The following ZNF311 variants were observed in gnomAD, a reference collection of about 807,000 sequenced individuals.
ZNF311 encodes zinc finger protein 311, also known as zinc finger protein zfp31.
In ZNF311, 14 loss-of-function variants were observed where a neutral mutation model predicts 22.7. The ratio of observed to expected loss-of-function variants is 0.62; its 90% CI spans 0.41 to 0.96. The LOEUF (loss-of-function observed/expected upper bound fraction) is 0.96, where lower values mean the gene tolerates loss of function less well. Ranked by LOEUF, ZNF311 falls within the 40% of genes least tolerant of loss-of-function variation. The pLI is 0.00. For missense variants in ZNF311, 731 were observed against 799.0 expected, an observed-to-expected ratio of 0.91 and a Z score of 1.03; for synonymous variants, 250 against 275.3, an observed-to-expected ratio of 0.91 and a Z score of 0.91.
At chr6:28,997,432 T>A (rs553482879) in intron 6 of ZNF311, among the ~76,000 whole-genome samples, 3 of 152,128 alleles carry the variant, frequency 2.0e-5, no homozygotes, top group African/African-American at 7.2e-5. Flanking sequence ...CTAGCTTGGG[T>A]TAATTTCTAT....
intron 1 of ZNF311, among the ~76,000 whole-genome samples, chr6:29,004,638 T>C (rs1780939043): frequency 6.6e-6 from 1 of 152,062 alleles, no homozygotes; most frequent in African/African-American, 2.4e-5. Flanking sequence ...ATACTTAAAA[T>C]AAAACCTGAA....
At chr6:29,004,442 CTTTTTTTTTT>C (rs9280531) in intron 1 of ZNF311, among the ~76,000 whole-genome samples, 1 of 30,604 alleles carries the variant, frequency 3.3e-5, no homozygotes, top group African/African-American at 4.5e-4. Context: ...TTCCTCCTTT[CTTTTTTTTTT>C]TTTTTTTTTT....
Position 28,996,249 on chromosome 6 carries a change from C to T in ZNF311, c.753G>A (p.Arg251=), listed in dbSNP as rs1394745574. ...LIAQKLHECA[R]CGKNFSWHSD... is the part of the protein sequence containing the mutation. ...AGTGCCAACTGAAGTTTTTGCCACA[C>T]CTGGCACATTCATGGAGTTTCTGTG... The change falls in exon 7 of 7, where the codon AGG becomes AGA. Residue 251 remains arginine, a synonymous_variant. Transcript: ENST00000377179. The T allele has an allele frequency of 9.9e-6, 16 of 1,613,228 alleles. No individual in the cohort carries two copies. The highest frequency in any genetic ancestry group is 1.3e-5 in the African/African-American group (1 of 75,060).
At chr6:29,000,367 T>C (rs1780277066) in intron 3 of ZNF311, among the ~76,000 whole-genome samples, 1 of 152,196 alleles carries the variant, frequency 6.6e-6, no homozygotes, top group Non-Finnish European at 1.5e-5. Context: ...CCAAATCACT[T>C]ATTCCCTGGT....
intron 3 of ZNF311, among the ~76,000 whole-genome samples, chr6:29,002,491 T>C (rs1180618607): frequency 6.6e-6 from 1 of 152,184 alleles, no homozygotes; most frequent in South Asian, 2.1e-4. Flanking sequence ...TTTTTGCAGG[T>C]AGCATATACT....
chr6:29,000,474 C>G (rs112603919), intron 3 of ZNF311, among the ~76,000 whole-genome samples: 5 of 151,854 alleles, frequency 3.3e-5, no homozygotes, highest in Admixed American at 3.3e-4. Context: ...TGCATGCACG[C>G]GTATGTGTGT....
intron 2 of ZNF311, 124 bp from the exon 3 acceptor site, chr6:29,003,718 G>A: frequency 7.1e-7 from 1 of 1,409,300 alleles, no homozygotes; most frequent in Admixed American, 1.8e-5. Context: ...AAAGAAGGGA[G>A]AAAATAATGG....
At position 28,997,472 on chromosome 6, in the gene ZNF311, TTATTAA is replaced by T. The variant is rs573604578; in HGVS notation, c.416-892_416-887del. Among the ~76,000 whole-genome samples, 251 of 152,324 alleles carry T rather than the reference TTATTAA, an allele frequency of 1.6e-3. 3 individuals are homozygous for T. The highest frequency in any genetic ancestry group is 2.3e-3 in the Non-Finnish European group (157 of 68,034). The stretch of plus-strand genomic sequence containing the variant: ...GTCAACCAAAGACTCCAAATACATC[TTATTAA>T]TATTATCTCTGAACTCTATCTCTTC... On this transcript the variant is annotated intron_variant, in intron 6 of 6. Coordinates refer to ENST00000377179, the MANE Select transcript of ZNF311 (RefSeq NM_001382360.1).
intron 6 of ZNF311, among the ~76,000 whole-genome samples, chr6:28,997,073 A>G (rs1164306303): frequency 6.6e-6 from 1 of 152,212 alleles, no homozygotes; most frequent in Non-Finnish European, 1.5e-5. Flanking sequence ...AGATCTGTGC[A>G]ATACCTGACC....
In ZNF311 at chr6:29,004,205, T is replaced by C. The variant is rs1261792290; in HGVS notation, c.-251A>G. 1.1e-5 allele frequency: 15 copies of C among 1,410,480 alleles called. No homozygotes were observed. Among genetic ancestry groups the C allele is most frequent in the African/African-American group, 4.3e-5 (3 of 69,002 alleles). The allele number at this position is 1,410,480 out of a possible 1,614,324, so 87.4% of individuals were successfully genotyped here. A position where few individuals can be genotyped will look rare whatever the true frequency, so the allele number is the denominator to read the frequency against. On this transcript the variant is annotated 5_prime_UTR_variant, in exon 2 of 7. An upstream start codon of the reference 5' UTR is lost. Coordinates refer to ENST00000377179, the MANE Select transcript of ZNF311 (RefSeq NM_001382360.1). ...AACACTAAACCGCTGTGATCTCACA[T>C]CTTGTTTCCCTGCATATTTGGTGAA...
intron 4 of ZNF311, 129 bp from the exon 5 acceptor site, chr6:28,999,742 T>C: frequency 2.2e-6 from 3 of 1,382,142 alleles, no homozygotes; most frequent in Non-Finnish European, 2.9e-6. Flanking sequence ...GGTGGGTATG[T>C]ACAAATGAGA....
intron 3 of ZNF311, among the ~76,000 whole-genome samples, chr6:29,002,405 C>G (rs1780572133): frequency 6.6e-6 from 1 of 151,986 alleles, no homozygotes; most frequent in African/African-American, 2.4e-5. Flanking sequence ...ATTTGTGATC[C>G]CTTGTACAGC....
At chr6:29,005,591 G>T (rs569521063), upstream of ZNF311, among the ~76,000 whole-genome samples, 3 of 152,234 alleles carry the variant, frequency 2.0e-5, no homozygotes, top group South Asian at 6.2e-4. Flanking sequence ...CTCTCCCCAA[G>T]AAATGAGAAA....
chr6:28,997,453 CAA>C (rs1203173367), intron 6 of ZNF311, among the ~76,000 whole-genome samples: 2 of 152,124 alleles, frequency 1.3e-5, no homozygotes, highest in Admixed American at 1.3e-4. Flanking sequence ...TGCTGTCAAC[CAA>C]AGACTCCAAA....
At chr6:29,003,793 A>G in intron 2 of ZNF311, 153 bp downstream of exon 2, 2 of 1,546,454 alleles carry the variant, frequency 1.3e-6, no homozygotes, top group Non-Finnish European at 1.8e-6. Flanking sequence ...TTTAATGATC[A>G]CCAGGTCAAG....
At chr6:29,002,531 C>A (rs1226525266) in intron 3 of ZNF311, among the ~76,000 whole-genome samples, 1 of 151,996 alleles carries the variant, frequency 6.6e-6, no homozygotes, top group Non-Finnish European at 1.5e-5. Flanking sequence ...GTGCCTACTC[C>A]TCTGTCCAAA....
chr6:29,001,247 G>C (rs2150708380), intron 3 of ZNF311, among the ~76,000 whole-genome samples: 1 of 152,258 alleles, frequency 6.6e-6, no homozygotes, highest in Middle Eastern at 3.4e-3. Context: ...CACCAGCAGG[G>C]TCAAAGTAAT....
At position 28,996,595 on chromosome 6, in the gene ZNF311, A is replaced by C; in HGVS notation, c.416-9T>G. On this transcript the variant is annotated splice_polypyrimidine_tract_variant and intron_variant, in intron 6 of 6. Transcript: ENST00000377179. ...CATCTTGTCAGCTGACACTTAAACAAGAAAATACAAATGTCAGAGGGAAGG... is the reference window on the plus strand; with the variant it reads ...CATCTTGTCAGCTGACACTTAAACACGAAAATACAAATGTCAGAGGGAAGG... The C allele has an allele frequency of 6.3e-7, 1 of 1,575,340 alleles. No individual in the cohort carries two copies. The highest frequency in any genetic ancestry group is 1.1e-5 in the South Asian group (1 of 87,062).
At chr6:29,003,819 C>T in intron 2 of ZNF311, 127 bp downstream of exon 2, 1 of 1,594,884 alleles carries the variant, frequency 6.3e-7, no homozygotes, top group South Asian at 1.1e-5. Context: ...AAAACAGTAT[C>T]TAGGAGGAGA....
Sources: allele counts gnomAD v4.1 joint callset (sites outside exome capture counted in the v4.1 genomes callset), GRCh38; gene constraint gnomAD v4.1.1; transcripts MANE v1.5; gene names NCBI Gene and HGNC (gene_info 2026-07-23, HGNC 2026-07-21).